LSP1: variants seen among roughly 807,000 people sequenced by gnomAD.
LSP1 encodes lymphocyte specific protein 1.
Under a neutral mutation model 49.3 loss-of-function variants are expected in LSP1, and 32 were observed. That is an observed-to-expected ratio of 0.65 (90% CI 0.49 to 0.87). The LOEUF is 0.87. Among genes scored for constraint, LSP1 ranks in the 40% least tolerant of loss-of-function variants. The pLI, the probability that LSP1 is intolerant of heterozygous loss-of-function variation, is 0.00. For synonymous variants in LSP1, 179 were observed against 178.8 expected, an observed-to-expected ratio of 1.00 and a Z score of -0.01; for missense variants, 428 against 442.6, an observed-to-expected ratio of 0.97 and a Z score of 0.30.
intron 4 of LSP1, 118 bp downstream of exon 4, chr11:1,883,678 A>C: frequency 7.9e-7 from 1 of 1,270,178 alleles, no homozygotes. Context: ...TCAGCACCCC[A>C]CACCCCTAGA....
chr11:1,854,006 T>C (rs1168115755), intron 1 of LSP1, among the ~76,000 whole-genome samples: 1 of 152,140 alleles, frequency 6.6e-6, no homozygotes, highest in East Asian at 1.9e-4. Flanking sequence ...CCAGCAGGCA[T>C]CCAGGCATCA....
intron 1 of LSP1, among the ~76,000 whole-genome samples, chr11:1,875,792 C>T (rs1236686196): frequency 3.3e-5 from 5 of 152,186 alleles, no homozygotes; most frequent in East Asian, 1.9e-4. Context: ...GAGCCCCAGG[C>T]GGACGGCGCA....
intron 1 of LSP1, among the ~76,000 whole-genome samples, chr11:1,865,548 A>G (rs1847761421): frequency 7.3e-6 from 1 of 137,920 alleles, no homozygotes; most frequent in African/African-American, 2.7e-5. Context: ...TCCCACCCGC[A>G]CCGCCGGCTG....
intron 7 of LSP1, among the ~76,000 whole-genome samples, chr11:1,885,061 C>CCCTCCATCCAATCAAGATTCAT (rs1848700251): frequency 1.3e-5 from 2 of 151,788 alleles, no homozygotes; most frequent in Admixed American, 1.3e-4. Flanking sequence ...CCAATCAGTG[C>CCCTCCATCCAATCAAGATTCAT]CCCTCCATCC....
intron 7 of LSP1, among the ~76,000 whole-genome samples, chr11:1,886,156 T>G: frequency 6.6e-6 from 1 of 152,078 alleles, no homozygotes; most frequent in East Asian, 1.9e-4. Context: ...CCAGTGCCCC[T>G]CCATCCAACC....
intron 1 of LSP1, among the ~76,000 whole-genome samples, chr11:1,879,201 C>T (rs1393388524): frequency 2.0e-5 from 3 of 152,034 alleles, no homozygotes; most frequent in Non-Finnish European, 4.4e-5. Context: ...CAAAATTAGC[C>T]GGGTATGGTG....
intron 10 of LSP1, among the ~76,000 whole-genome samples, chr11:1,887,924 C>G (rs571715658): frequency 1.3e-5 from 2 of 152,282 alleles, no homozygotes; most frequent in African/African-American, 4.8e-5. Context: ...TTGAAGGAAG[C>G]AGGTGGCATG....
intron 1 of LSP1, 159 bp from the exon 2 acceptor site, chr11:1,879,928 T>G (rs1848466341): frequency 5.2e-6 from 4 of 768,506 alleles, no homozygotes; most frequent in Non-Finnish European, 8.1e-6. Flanking sequence ...TATTTAAAGA[T>G]GGACAAGGTG....
At chr11:1,878,550 T>G (rs1589823988) in intron 1 of LSP1, among the ~76,000 whole-genome samples, 1 of 150,294 alleles carries the variant, frequency 6.7e-6, no homozygotes, top group South Asian at 2.1e-4. Context: ...GTGGGGGGAG[T>G]GGGCCTTGAA....
intron 1 of LSP1, chr11:1,870,727 A>G: frequency 9.9e-7 from 1 of 1,006,556 alleles, no homozygotes; most frequent in Non-Finnish European, 1.2e-6. Context: ...CGCTTCGGGC[A>G]GCATCTGTGG....
chr11:1,885,649 A>G (rs1311079827), intron 7 of LSP1, among the ~76,000 whole-genome samples: 1 of 151,670 alleles, frequency 6.6e-6, no homozygotes, highest in Non-Finnish European at 1.5e-5. Context: ...GGACATCTCC[A>G]TCTAACCAGT....
At chr11:1,873,114 A>T (rs1017406006) in intron 1 of LSP1, among the ~76,000 whole-genome samples, 5 of 151,138 alleles carry the variant, frequency 3.3e-5, no homozygotes, top group Admixed American at 2.6e-4. Flanking sequence ...GGGGGCAGAG[A>T]CAAGCCTCAG....
At chr11:1,882,947 C>A (rs555422240) in intron 3 of LSP1, among the ~76,000 whole-genome samples, 49 of 152,350 alleles carry the variant, frequency 3.2e-4, no homozygotes, top group African/African-American at 1.1e-3. Context: ...AGTGACCTGG[C>A]CCCTACCCCT....
Position 1,884,596 on chromosome 11 carries a change from C to A in LSP1, c.717+15C>A, listed in dbSNP as rs1204773904. On this transcript the variant is annotated intron_variant, in intron 7 of 10. Transcript: ENST00000311604. The surrounding 1 kb of genome is among the most constrained non-coding windows in gnomAD (Gnocchi z 4.1). ...AGGCCATCGAGGTATGACCTGGCTC[C>A]CCTCTGCTGTCAGGTCCCTCCTGCA... The A allele has an allele frequency of 6.2e-7, 1 of 1,611,424 alleles. No homozygotes were observed. Among genetic ancestry groups the A allele is most frequent in the Non-Finnish European group, 8.5e-7 (1 of 1,177,898 alleles).
chr11:1,854,653 C>A (rs568210193), intron 1 of LSP1, among the ~76,000 whole-genome samples: 2 of 151,940 alleles, frequency 1.3e-5, no homozygotes, highest in East Asian at 3.9e-4. Context: ...TGGGTCGGGA[C>A]GTCCGTGCCT....
Position 1,871,435 on chromosome 11 carries a change from G to A in LSP1, c.54-8652G>A, listed in dbSNP as rs1007383346. The A allele has an allele frequency of 8.1e-6, 8 of 986,372 alleles. No individual in the cohort carries two copies. In the African/African-American group the frequency reaches 1.2e-4, roughly 15 times the overall value. The allele number at this position is 986,372 out of a possible 1,614,324, so 61.1% of individuals were successfully genotyped here. ...GAGGTAGGGCACCCAGCGCAAGGGA[G>A]GTGATGGGCTGGTCAGCAGGACATC... On this transcript the variant is annotated intron_variant, in intron 1 of 10. Coordinates refer to ENST00000311604, the MANE Select transcript of LSP1 (RefSeq NM_002339.3).
chr11:1,870,924 G>T (rs1398458217), intron 1 of LSP1: 8 of 985,732 alleles, frequency 8.1e-6, no homozygotes, highest in Non-Finnish European at 9.6e-6. Context: ...CAGCGCTCCC[G>T]AGGGCCGTCG....
intron 1 of LSP1, among the ~76,000 whole-genome samples, chr11:1,862,569 C>G (rs1389216374): frequency 6.6e-6 from 1 of 152,130 alleles, no homozygotes; most frequent in Non-Finnish European, 1.5e-5. Context: ...AGCACATGCT[C>G]ACTGCCCCCC....
In LSP1 at chr11:1,884,930, C is replaced by T. The variant is rs1232932013; in HGVS notation, c.717+349C>T. On this transcript the variant is annotated intron_variant, in intron 7 of 10. Transcript: ENST00000311604. This position sits in a 1 kb window ranked among gnomAD's most constrained non-coding sequence, Gnocchi z 4.1. ...TCAGTGTTCCTCCATTCAATCAATG[C>T]CCCCCTCGGAACAGTACTCCACCAC... Among the ~76,000 whole-genome samples, 7 of 152,096 alleles carry T rather than the reference C, an allele frequency of 4.6e-5. No individual in the cohort carries two copies. Among genetic ancestry groups the T allele is most frequent in the Non-Finnish European group, 8.8e-5 (6 of 68,016 alleles).
Sources: allele counts gnomAD v4.1 joint callset (sites outside exome capture counted in the v4.1 genomes callset), GRCh38; gene constraint gnomAD v4.1.1; non-coding constraint Gnocchi (gnomAD v3.1); transcripts MANE v1.5; gene names NCBI Gene and HGNC (gene_info 2026-07-23, HGNC 2026-07-21).